DPYD: variants seen among roughly 807,000 people sequenced by gnomAD.
DPYD encodes the protein dihydropyrimidine dehydrogenase.
A neutral mutation model predicts 116.2 loss-of-function variants in DPYD; 109 were observed. The observed-to-expected ratio is 0.94, with a 90% CI of 0.80 to 1.10. DPYD has a LOEUF of 1.10. Among genes scored for constraint, DPYD ranks in the 50% least tolerant of loss-of-function variants. The pLI, the probability that DPYD is intolerant of heterozygous loss-of-function variation, is 0.00. For missense variants in DPYD, 1,302 were observed against 1,254.5 expected (o/e 1.04, Z -0.57); for synonymous variants, 440 against 432.0 (o/e 1.02, Z -0.23).
At chr1:97,882,633 T>C (rs1422476960) in intron 2 of DPYD, among the ~76,000 whole-genome samples, 1 of 152,006 alleles carries the variant, frequency 6.6e-6, no homozygotes, top group African/African-American at 2.4e-5. Context: ...ACCTTTAAGG[T>C]TGTACTTATA....
chr1:97,333,645 C>T (rs906507001), intron 16 of DPYD, among the ~76,000 whole-genome samples: 8 of 151,130 alleles, frequency 5.3e-5, no homozygotes, highest in Non-Finnish European at 1.2e-4. Context: ...CTCAGCCTCC[C>T]GAGTAGCCGG....
At position 97,372,515 on chromosome 1, in the gene DPYD, T is replaced by G. The variant is rs910278018; in HGVS notation, c.2058+1046A>C. On this transcript the variant is annotated intron_variant, in intron 16 of 22. Transcript: ENST00000370192. ...CCTGTTGTGAGTGGAACAGAGAATA[T>G]ATTTGAAGAATATTTGACTAGACCC... Among the ~76,000 whole-genome samples the G allele has an allele frequency of 3.3e-5, 5 of 152,296 alleles. No homozygotes were observed. In the East Asian group the frequency reaches 9.7e-4, roughly 29 times the overall value.
At chr1:97,265,195 C>A (rs1161634916) in intron 18 of DPYD, among the ~76,000 whole-genome samples, 1 of 151,998 alleles carries the variant, frequency 6.6e-6, no homozygotes, top group East Asian at 1.9e-4. Context: ...TGACCTTTTC[C>A]CTCTTCTTGG....
chr1:97,723,805 T>C (rs1052142602), intron 4 of DPYD, among the ~76,000 whole-genome samples: 1 of 151,362 alleles, frequency 6.6e-6, no homozygotes, highest in African/African-American at 2.4e-5. Context: ...AGAAGAAAAA[T>C]GTGTGAAAGA....
Position 97,607,134 on chromosome 1 carries a change from G to GA in DPYD, c.851-11969dup, listed in dbSNP as rs779831591. 5.9e-5 allele frequency among the ~76,000 whole-genome samples: 9 copies of GA among 152,026 alleles called. No individual in the cohort carries two copies. In the East Asian group the frequency reaches 1.7e-3, roughly 29 times the overall value. On this transcript the variant is annotated intron_variant, in intron 8 of 22. Transcript: ENST00000370192. ...TCTCCTATTACAGTAACTTAAATGA[G>GA]AAAAAATAGCACTTATACTAAGATA... is the stretch of plus-strand genomic sequence containing the variant.
intron 3 of DPYD, among the ~76,000 whole-genome samples, chr1:97,769,191 G>C (rs772901681): frequency 6.6e-6 from 1 of 151,994 alleles, no homozygotes; most frequent in Non-Finnish European, 1.5e-5. Context: ...TATTCCACAG[G>C]AAAGAAAAGG....
chr1:97,611,946 A>G (rs1026329040), intron 8 of DPYD, among the ~76,000 whole-genome samples: 11 of 152,152 alleles, frequency 7.2e-5, no homozygotes, highest in African/African-American at 2.6e-4. Context: ...CCCGTGTTGC[A>G]AGGACTGCGT....
intron 3 of DPYD, among the ~76,000 whole-genome samples, chr1:97,769,207 T>G (rs2101153817): frequency 6.6e-6 from 1 of 152,194 alleles, no homozygotes; most frequent in African/African-American, 2.4e-5. Context: ...AAAGGACATT[T>G]TGGAAGGAAT....
rs2102183629 is a variant in DPYD at position 97,573,869 on chromosome 1, C to A, written c.1230G>T (p.Arg410=). 1 of 1,613,662 alleles carries A rather than the reference C, an allele frequency of 6.2e-7. No homozygotes were observed. The highest frequency in any genetic ancestry group is 8.5e-7 in the Non-Finnish European group (1 of 1,179,696). Residue 410 remains arginine (R), a synonymous_variant, in exon 11 of 23, where the codon CGG becomes CGT. Coordinates refer to ENST00000370192, the MANE Select transcript of DPYD (RefSeq NM_000110.4). ...ATTTTCCAGTTTCATCTTGCTCTGT[C>A]CGAACAAACTGCATAGCAACAATTC... is the stretch of plus-strand genomic sequence containing the variant. ...GGRIVAMQFV[R]TEQDETGKWN...
intron 3 of DPYD, among the ~76,000 whole-genome samples, chr1:97,747,473 G>C (rs1164499836): frequency 6.6e-6 from 1 of 152,158 alleles, no homozygotes; most frequent in Non-Finnish European, 1.5e-5. Context: ...GGGATTGAGA[G>C]TATGTACTTA....
intron 8 of DPYD, among the ~76,000 whole-genome samples, chr1:97,601,977 C>T (rs1655275584): frequency 6.6e-6 from 1 of 151,978 alleles, no homozygotes; most frequent in Non-Finnish European, 1.5e-5. Flanking sequence ...TGTGACCACA[C>T]ACATTAATTG....
At chr1:97,707,359 C>G (rs1400607317) in intron 5 of DPYD, among the ~76,000 whole-genome samples, 1 of 151,858 alleles carries the variant, frequency 6.6e-6, no homozygotes, top group Non-Finnish European at 1.5e-5. Context: ...CAGTTACATA[C>G]GTATACATGT....
chr1:97,113,581 G>T (rs1403918343), intron 20 of DPYD, among the ~76,000 whole-genome samples: 1 of 152,026 alleles, frequency 6.6e-6, no homozygotes, highest in Non-Finnish European at 1.5e-5. Flanking sequence ...TTTGTGGAAC[G>T]TCTTTCCAAG....
At chr1:97,791,259 T>C (rs1667306248) in intron 3 of DPYD, among the ~76,000 whole-genome samples, 2 of 152,166 alleles carry the variant, frequency 1.3e-5, no homozygotes, top group Admixed American at 1.3e-4. Flanking sequence ...GTGACAATCA[T>C]TTCCAAATGT....
intron 2 of DPYD, among the ~76,000 whole-genome samples, chr1:97,861,424 A>T (rs1671111608): frequency 6.6e-6 from 1 of 151,988 alleles, no homozygotes; most frequent in Admixed American, 6.6e-5. Flanking sequence ...AAGGGTGATA[A>T]ATTCAACCAA....
chr1:97,385,259 T>C (rs369936666), intron 14 of DPYD, among the ~76,000 whole-genome samples: 1 of 110,734 alleles, frequency 9.0e-6, no homozygotes, highest in East Asian at 3.2e-4. Flanking sequence ...ACCTAATACC[T>C]CTTGGTGTAG....
At chr1:97,913,768 G>A (rs1674082000) in intron 1 of DPYD, among the ~76,000 whole-genome samples, 1 of 151,998 alleles carries the variant, frequency 6.6e-6, no homozygotes, top group Non-Finnish European at 1.5e-5. Context: ...AAAGTTTTGG[G>A]AGAGAAGTAA....
intron 14 of DPYD, among the ~76,000 whole-genome samples, chr1:97,428,366 A>G (rs1435665949): frequency 1.3e-5 from 2 of 152,162 alleles, no homozygotes; most frequent in Non-Finnish European, 2.9e-5. Flanking sequence ...TTTTAAATCT[A>G]TTTTTGGAAA....
At chr1:97,607,232 C>T (rs984326659) in intron 8 of DPYD, among the ~76,000 whole-genome samples, 3 of 151,860 alleles carry the variant, frequency 2.0e-5, no homozygotes, top group Non-Finnish European at 4.4e-5. Context: ...AGGATTTGGT[C>T]CCTTGTGGTT....
Sources: gnomAD v4.1 joint callset for allele counts (sites outside exome capture counted in the v4.1 genomes callset) on GRCh38, gnomAD v4.1.1 for gene constraint, MANE v1.5 for transcripts, NCBI Gene and HGNC (gene_info 2026-07-23, HGNC 2026-07-21) for gene names.